CEMIP: variants seen among roughly 807,000 people sequenced by gnomAD.
CEMIP encodes the protein cell migration inducing hyaluronidase 1, also known as cell migration-inducing and hyaluronan-binding protein.
In CEMIP, 105 loss-of-function variants were observed where a neutral mutation model predicts 156.9. The ratio of observed to expected loss-of-function variants is 0.67; its 90% CI spans 0.57 to 0.79. CEMIP has a LOEUF of 0.79. Among genes scored for constraint, CEMIP ranks in the 30% least tolerant of loss-of-function variants. The pLI is 0.00. For missense variants in CEMIP, 1,457 were observed against 1,769.4 expected, an observed-to-expected ratio of 0.82 and a Z score of 3.17; for synonymous variants, 676 against 668.4, an observed-to-expected ratio of 1.01 and a Z score of -0.17.
rs145411377 is a variant in CEMIP at position 80,870,247 on chromosome 15, C to T, written c.-175-3291C>T. Among the ~76,000 whole-genome samples, 755 of 149,794 alleles carry T rather than the reference C, an allele frequency of 5.0e-3. 6 individuals are homozygous for T. Among genetic ancestry groups the T allele is most frequent in the African/African-American group, 0.017 (714 of 41,118 alleles). On this transcript the variant is annotated intron_variant, in intron 1 of 29. Coordinates refer to ENST00000394685, the MANE Select transcript of CEMIP (RefSeq NM_001293298.2). ...TCACCTCATGCAGGGTGGGTAGGGA[C>T]GGGGATGGCTGTCCCTCTGCTGTCT...
At chr15:80,811,178 TC>T (rs1896663826) in intron 1 of CEMIP, among the ~76,000 whole-genome samples, 1 of 152,126 alleles carries the variant, frequency 6.6e-6, no homozygotes, top group African/African-American at 2.4e-5. Flanking sequence ...TAGAAGAATG[TC>T]AGGTGGTTTA....
Position 80,833,918 on chromosome 15 carries a change from C to T in CEMIP, c.-175-39620C>T, listed in dbSNP as rs1450202384. ...CTCGTGTCCTCAAGTGATCTGCCTG[C>T]CTCAGCCTCCCAAAGTGCTGGGATT... is the stretch of plus-strand genomic sequence containing the variant. On this transcript the variant is annotated intron_variant, in intron 1 of 29. Transcript: ENST00000394685. Among the ~76,000 whole-genome samples, 4 of 152,166 alleles carry T rather than the reference C, an allele frequency of 2.6e-5. No individual in the cohort carries two copies. The East Asian group carries it at 7.7e-4, about 29-fold the overall frequency.
chr15:80,883,880 AC>A (rs1898744726), intron 6 of CEMIP, among the ~76,000 whole-genome samples: 1 of 152,152 alleles, frequency 6.6e-6, no homozygotes. Context: ...CAAGTATGTG[AC>A]CCACTCAACA....
intron 1 of CEMIP, among the ~76,000 whole-genome samples, chr15:80,852,731 G>A (rs1314880846): frequency 1.3e-5 from 2 of 152,198 alleles, no homozygotes; most frequent in African/African-American, 4.8e-5. Flanking sequence ...GGACCCTGGA[G>A]AACAGCCAGG....
intron 1 of CEMIP, among the ~76,000 whole-genome samples, chr15:80,823,576 C>G (rs907462234): frequency 6.6e-6 from 1 of 152,164 alleles, no homozygotes; most frequent in African/African-American, 2.4e-5. Flanking sequence ...CTGTAATCCT[C>G]AAACCACCCA....
At chr15:80,935,865 A>G (rs1901102218) in intron 23 of CEMIP, among the ~76,000 whole-genome samples, 1 of 152,052 alleles carries the variant, frequency 6.6e-6, no homozygotes, top group South Asian at 2.1e-4. Flanking sequence ...CAGCCTCCCT[A>G]GTAGCTGGGA....
At chr15:80,798,233 AT>A (rs1388476894) in intron 1 of CEMIP, among the ~76,000 whole-genome samples, 1 of 152,184 alleles carries the variant, frequency 6.6e-6, no homozygotes, top group Non-Finnish European at 1.5e-5. Context: ...ATTACTGTAT[AT>A]TTTTTACATA....
chr15:80,865,307 G>A (rs1266786524), intron 1 of CEMIP, among the ~76,000 whole-genome samples: 1 of 152,038 alleles, frequency 6.6e-6, no homozygotes, highest in African/African-American at 2.4e-5. Flanking sequence ...TCAGCCTCCT[G>A]GGTAGCTGGG....
chr15:80,848,700 G>C (rs1438888575), intron 1 of CEMIP, among the ~76,000 whole-genome samples: 1 of 152,158 alleles, frequency 6.6e-6, no homozygotes, highest in Admixed American at 6.5e-5. Flanking sequence ...GCGGAAAGAA[G>C]GGGTGCAGGA....
intron 10 of CEMIP, among the ~76,000 whole-genome samples, chr15:80,892,167 C>A (rs1160915435): frequency 1.3e-5 from 2 of 152,056 alleles, no homozygotes; most frequent in Non-Finnish European, 2.9e-5. Flanking sequence ...CCGTGTCATA[C>A]ACAGTGGGTC....
At chr15:80,918,339 A>G (rs962480656) in intron 14 of CEMIP, among the ~76,000 whole-genome samples, 1 of 152,212 alleles carries the variant, frequency 6.6e-6, no homozygotes, top group East Asian at 1.9e-4. Flanking sequence ...GGGCCTCTCA[A>G]TCAGGGATGA....
intron 1 of CEMIP, among the ~76,000 whole-genome samples, chr15:80,781,334 C>A (rs746141893): frequency 5.9e-5 from 9 of 152,146 alleles, no homozygotes; most frequent in Non-Finnish European, 1.2e-4. Context: ...AGCAACTATG[C>A]GGTTTTCTGA....
At chr15:80,836,040 A>G (rs1374940596) in intron 1 of CEMIP, among the ~76,000 whole-genome samples, 1 of 149,696 alleles carries the variant, frequency 6.7e-6, no homozygotes, top group Non-Finnish European at 1.5e-5. Context: ...AAAGTGGCTC[A>G]TACTTGGTAT....
rs1291705784 is a variant in CEMIP at position 80,951,057 on chromosome 15, A to C, written c.*2133A>C. ...TAAAGATATGGCTGCTTCAAAGGCC[A>C]GAGTCACAGGAAGGACTTCTTCCAG... On this transcript the variant is annotated 3_prime_UTR_variant, in exon 30 of 30. Coordinates refer to ENST00000394685, the MANE Select transcript of CEMIP (RefSeq NM_001293298.2). The C allele has an allele frequency of 6.6e-6, 1 of 152,670 alleles. No homozygotes were observed. Among genetic ancestry groups the C allele is most frequent in the Non-Finnish European group, 1.5e-5 (1 of 68,046 alleles). The allele number at this position is 152,670 out of a possible 1,614,324, so 9.5% of individuals were successfully genotyped here.
chr15:80,814,169 C>G (rs1369421725), intron 1 of CEMIP, among the ~76,000 whole-genome samples: 1 of 151,254 alleles, frequency 6.6e-6, no homozygotes, highest in African/African-American at 2.4e-5. Context: ...CTGCCTCAGC[C>G]TCCCCAGTAG....
At position 80,887,016 on chromosome 15, in the gene CEMIP, G is replaced by A. The variant is rs1012718419; in HGVS notation, c.798-678G>A. ...ATATGCCAAGTTGCCATTTTGGGGGGTAGCGTCTCCTGAACTTCATTACTG... is the reference window on the plus strand; with the variant it reads ...ATATGCCAAGTTGCCATTTTGGGGGATAGCGTCTCCTGAACTTCATTACTG... On this transcript the variant is annotated intron_variant, in intron 7 of 29. Coordinates refer to ENST00000394685, the MANE Select transcript of CEMIP (RefSeq NM_001293298.2). Among the ~76,000 whole-genome samples the A allele has an allele frequency of 7.9e-5, 12 of 152,130 alleles. 1 individual carries two copies. Among genetic ancestry groups the A allele is most frequent in the Admixed American group, 7.2e-4 (11 of 15,272 alleles).
chr15:80,894,332 T>TA (rs1432273919), intron 10 of CEMIP, among the ~76,000 whole-genome samples: 1 of 152,236 alleles, frequency 6.6e-6, no homozygotes, highest in East Asian at 1.9e-4. Flanking sequence ...TGATCCTGGG[T>TA]AAGTAACTGA....
At chr15:80,802,071 C>T (rs1896391030) in intron 1 of CEMIP, among the ~76,000 whole-genome samples, 6 of 152,186 alleles carry the variant, frequency 3.9e-5, no homozygotes, top group Admixed American at 3.3e-4. Context: ...GACAACTGTA[C>T]TATTGTACTT....
intron 23 of CEMIP, among the ~76,000 whole-genome samples, chr15:80,933,661 A>G (rs1237006826): frequency 1.3e-5 from 2 of 152,196 alleles, no homozygotes; most frequent in Non-Finnish European, 2.9e-5. Context: ...CTTGGTGAGC[A>G]AAATGCTTAG....
Sources: gnomAD v4.1 joint callset for allele counts (sites outside exome capture counted in the v4.1 genomes callset) on GRCh38, gnomAD v4.1.1 for gene constraint, MANE v1.5 for transcripts, NCBI Gene and HGNC (gene_info 2026-07-23, HGNC 2026-07-21) for gene names.